RELN: variants seen among roughly 807,000 people sequenced by gnomAD.
RELN encodes the protein reelin.
Under a neutral mutation model 427.6 loss-of-function variants are expected in RELN, and 108 were observed. The ratio of observed to expected loss-of-function variants is 0.25; its 90% CI spans 0.22 to 0.30. The LOEUF is 0.30. Among genes scored for constraint, RELN ranks in the 10% least tolerant of loss-of-function variants. The probability of loss-of-function intolerance (pLI) is 1.00; values close to 1 mark genes in which losing one functional copy is unlikely to be tolerated. For synonymous variants in RELN, 1,524 were observed against 1,513.4 expected (o/e 1.01, Z -0.16); for missense variants, 3,715 against 4,302.8 (o/e 0.86, Z 3.82).
At chr7:103,734,150 G>A (rs1790433158) in intron 6 of RELN, among the ~76,000 whole-genome samples, 1 of 152,074 alleles carries the variant, frequency 6.6e-6, no homozygotes, top group Non-Finnish European at 1.5e-5. Context: ...ACAATTAAAT[G>A]TTTTCCACTT....
In RELN at chr7:103,557,138, G is replaced by A. The variant is rs762796774; in HGVS notation, c.5636C>T (p.Ser1879Phe). ...ACTGATGGAGAATTGTAACAGAATA[G>A]AGTGAGATCTCTCTGGGGTACCTAG... Reference protein sequence around the residue: ...IAKSTPERSHSILLQFSISGG... With the variant: ...IAKSTPERSHFILLQFSISGG... The change falls in exon 38 of 65, where the codon TCT (serine) becomes TTT (phenylalanine). Residue 1879 changes from serine to phenylalanine, a missense_variant. This residue lies in a region of RELN where 2,208 missense variants were observed against 2,361.7 expected (regional missense o/e 0.93). Coordinates refer to ENST00000428762, the MANE Select transcript of RELN (RefSeq NM_005045.4). 3.1e-6 allele frequency: 5 copies of A among 1,613,232 alleles called. No homozygotes were observed. In the East Asian group the frequency reaches 6.7e-5, roughly 22 times the overall value.
At chr7:103,726,535 G>A (rs1052903707) in intron 7 of RELN, among the ~76,000 whole-genome samples, 35 of 152,090 alleles carry the variant, frequency 2.3e-4, no homozygotes, top group African/African-American at 6.7e-4. Context: ...CTAAATAAAC[G>A]GGGATATAGT....
Position 103,620,145 on chromosome 7 carries a change from T to C in RELN, c.2703-8342A>G, listed in dbSNP as rs1393382910. 2.6e-5 allele frequency among the ~76,000 whole-genome samples: 4 copies of C among 152,166 alleles called. No individual in the cohort carries two copies. The highest frequency in any genetic ancestry group is 9.6e-5 in the African/African-American group (4 of 41,456). On this transcript the variant is annotated intron_variant, in intron 20 of 64. Coordinates refer to ENST00000428762, the MANE Select transcript of RELN (RefSeq NM_005045.4). The surrounding 1 kb of genome is among the most constrained non-coding windows in gnomAD (Gnocchi z 4.1). ...CCCATACTGTTCTCATGGTAGTGGG[T>C]AAGTCTCATGAGAACTGATGATTTT...
intron 2 of RELN, among the ~76,000 whole-genome samples, chr7:103,899,746 C>CA (rs1179212698): frequency 1.3e-5 from 2 of 152,112 alleles, no homozygotes; most frequent in African/African-American, 4.8e-5. Context: ...CAAAATTCAA[C>CA]ACCCTTCATG....
At chr7:103,691,951 G>A (rs1833881563) in intron 10 of RELN, among the ~76,000 whole-genome samples, 1 of 152,026 alleles carries the variant, frequency 6.6e-6, no homozygotes, top group South Asian at 2.1e-4. Context: ...TATTATTCCT[G>A]TTATAGGCAA....
intron 17 of RELN, among the ~76,000 whole-genome samples, chr7:103,636,730 A>G (rs1340145714): frequency 6.6e-6 from 1 of 152,218 alleles, no homozygotes; most frequent in Non-Finnish European, 1.5e-5. Flanking sequence ...TCTAAAATAC[A>G]TCTATGTTCA....
chr7:103,632,573 G>A (rs1396143723), intron 19 of RELN, among the ~76,000 whole-genome samples: 2 of 152,102 alleles, frequency 1.3e-5, no homozygotes, highest in Non-Finnish European at 2.9e-5. Context: ...AGTTCCTAAC[G>A]ATTTCACCAC....
chr7:103,951,744 C>G (rs1796335993), intron 1 of RELN, among the ~76,000 whole-genome samples: 1 of 151,904 alleles, frequency 6.6e-6, no homozygotes, highest in African/African-American at 2.4e-5. Flanking sequence ...ACGATCTCAG[C>G]TCACTGCAAT....
intron 2 of RELN, among the ~76,000 whole-genome samples, chr7:103,878,045 T>C (rs1352761536): frequency 6.6e-6 from 1 of 151,998 alleles, no homozygotes; most frequent in East Asian, 1.9e-4. Context: ...TTAGTAGACA[T>C]AGGGTTTTGC....
chr7:103,603,267 C>T lies in RELN; in HGVS notation c.3333+37G>A, dbSNP rs750046744. ...ATTCAGAGTCTCATATTAAACTAGC[C>T]ATTGCCCCGATGACTTATCCCAGCT... On this transcript the variant is annotated intron_variant, in intron 24 of 64. Coordinates refer to ENST00000428762, the MANE Select transcript of RELN (RefSeq NM_005045.4). The surrounding 1 kb of genome is among the most constrained non-coding windows in gnomAD (Gnocchi z 4.3). The T allele has an allele frequency of 4.6e-6, 7 of 1,517,384 alleles. No homozygotes were observed. The South Asian group carries it at 6.7e-5, about 15-fold the overall frequency. The allele number at this position is 1,517,384 out of a possible 1,614,324, so 94.0% of individuals were successfully genotyped here.
Position 103,652,125 on chromosome 7 carries a change from G to GA in RELN, c.1764-337dup, listed in dbSNP as rs555783017. 5.7e-4 allele frequency among the ~76,000 whole-genome samples: 87 copies of GA among 151,984 alleles called. No homozygotes were observed. In the East Asian group the frequency reaches 0.016, roughly 27 times the overall value. ...GAATGTGACACCGACAAAATTCCTA[G>GA]AAAAAATATGAGCAACACTTGGGCA... is the stretch of plus-strand genomic sequence containing the variant. On this transcript the variant is annotated intron_variant, in intron 14 of 64. Transcript: ENST00000428762.
intron 2 of RELN, among the ~76,000 whole-genome samples, chr7:103,899,797 T>G (rs1447106338): frequency 1.3e-5 from 2 of 152,082 alleles, no homozygotes; most frequent in African/African-American, 4.8e-5. Context: ...GGAACATATC[T>G]CAAAATAATA....
chr7:103,792,041 A>G (rs1792176172), intron 3 of RELN, among the ~76,000 whole-genome samples: 1 of 152,212 alleles, frequency 6.6e-6, no homozygotes. Context: ...CCCACAAGAT[A>G]GAATAAAAAA....
At chr7:103,763,456 G>A (rs1167912917) in intron 4 of RELN, among the ~76,000 whole-genome samples, 1 of 152,144 alleles carries the variant, frequency 6.6e-6, no homozygotes, top group East Asian at 1.9e-4. Flanking sequence ...ACATTTAGAA[G>A]TCAATGCATT....
In RELN at chr7:103,667,039, A is replaced by C. The variant is rs924005326; in HGVS notation, c.1290-5512T>G. On this transcript the variant is annotated intron_variant, in intron 11 of 64. Coordinates refer to ENST00000428762, the MANE Select transcript of RELN (RefSeq NM_005045.4). ...CTAAAGGCTTATTACTCAGGTTTTT[A>C]ATTTCCCTTTGTTTTAGGTATCTGC... Among the ~76,000 whole-genome samples the C allele has an allele frequency of 2.6e-4, 39 of 152,318 alleles. No homozygotes were observed. The East Asian group carries it at 5.6e-3, about 22-fold the overall frequency.
At chr7:103,889,208 A>G (rs759238969) in intron 2 of RELN, among the ~76,000 whole-genome samples, 2 of 152,202 alleles carry the variant, frequency 1.3e-5, no homozygotes, top group South Asian at 2.1e-4. Context: ...AAAACAATCT[A>G]TACTTCATGC....
At chr7:103,910,387 A>C (rs200531861) in intron 2 of RELN, among the ~76,000 whole-genome samples, 32,619 of 148,716 alleles carry the variant, frequency 0.22, 4,092 homozygotes, top group African/African-American at 0.34. Flanking sequence ...CTCTTTTCCT[A>C]ATTGAATACC....
Position 103,833,531 on chromosome 7 carries a change from A to G in RELN, c.473+6T>C, listed in dbSNP as rs770023998. The G allele has an allele frequency of 1.2e-6, 2 of 1,613,672 alleles. No homozygotes were observed. Among genetic ancestry groups the G allele is most frequent in the Non-Finnish European group, 1.7e-6 (2 of 1,179,616 alleles). On this transcript the variant is annotated splice_donor_region_variant and intron_variant, in intron 3 of 64. Transcript: ENST00000428762. ...TGTACGTATGGCAGACACTTTGGGTACTTACATGAAATTCACACAGCCTGT... is the reference window on the plus strand; with the variant it reads ...TGTACGTATGGCAGACACTTTGGGTGCTTACATGAAATTCACACAGCCTGT...
At chr7:103,506,163 T>G (rs894573518) in intron 51 of RELN, among the ~76,000 whole-genome samples, 3 of 152,162 alleles carry the variant, frequency 2.0e-5, no homozygotes, top group Non-Finnish European at 2.9e-5. Context: ...AAAACACTCT[T>G]CAGGATATTA....
Sources: allele counts gnomAD v4.1 joint callset (sites outside exome capture counted in the v4.1 genomes callset), GRCh38; gene constraint gnomAD v4.1.1; regional missense constraint gnomAD v4.1.1; non-coding constraint Gnocchi (gnomAD v3.1); transcripts MANE v1.5; gene names NCBI Gene and HGNC (gene_info 2026-07-23, HGNC 2026-07-21).